Variants in IGDCC4 observed in about 807,000 individuals in gnomAD.
The protein encoded by IGDCC4 is immunoglobulin superfamily DCC subclass member 4.
In IGDCC4, 72 loss-of-function variants were observed where a neutral mutation model predicts 116.6. That is an observed-to-expected ratio of 0.62 (90% CI 0.51 to 0.75). The LOEUF (loss-of-function observed/expected upper bound fraction) is 0.75. IGDCC4 is among the 30% of genes least tolerant of loss of function. The pLI is 0.00. For missense variants in IGDCC4, 1,501 were observed against 1,662.4 expected, an observed-to-expected ratio of 0.90 and a Z score of 1.69; for synonymous variants, 709 against 719.9, an observed-to-expected ratio of 0.98 and a Z score of 0.24.
chr15:65,384,422 G>T lies in IGDCC4; in HGVS notation c.3343-3C>A. The T allele has an allele frequency of 6.7e-7, 1 of 1,503,306 alleles. No homozygotes were observed. Among genetic ancestry groups the T allele is most frequent in the South Asian group, 1.3e-5 (1 of 74,998 alleles). 93.1% of individuals were successfully genotyped at this position (1,503,306 alleles called of 1,614,324 possible). ...GGTGACTTCTTCCTCCCATTGCCCT[G>T]ATCAGAGCAGAGAACACAAAGACAA... On this transcript the variant is annotated splice_polypyrimidine_tract_variant and splice_region_variant and intron_variant, in intron 19 of 19. Transcript: ENST00000352385. This position sits in a 1 kb window ranked among gnomAD's most constrained non-coding sequence, Gnocchi z 4.9.
chr15:65,396,223 C>T (rs751736774), intron 6 of IGDCC4, 60 bp from the exon 7 acceptor site: 16 of 1,362,720 alleles, frequency 1.2e-5, no homozygotes, highest in South Asian at 3.0e-5. Flanking sequence ...TCTGCCCCCC[C>T]CCCAGTACCC....
intron 1 of IGDCC4, among the ~76,000 whole-genome samples, chr15:65,416,900 G>A (rs1424584862): frequency 6.6e-6 from 1 of 152,134 alleles, no homozygotes; most frequent in Admixed American, 6.5e-5. Flanking sequence ...AAGGAGATTC[G>A]CTGCTGAGCT....
At chr15:65,397,076 C>T in intron 5 of IGDCC4, 87 bp from the exon 6 acceptor site, 1 of 1,470,250 alleles carries the variant, frequency 6.8e-7, no homozygotes, top group South Asian at 1.3e-5. Context: ...ACTCTGCACC[C>T]GGATAAAGCA....
intron 1 of IGDCC4, among the ~76,000 whole-genome samples, chr15:65,417,211 G>A (rs1427713452): frequency 6.6e-6 from 1 of 151,848 alleles, no homozygotes; most frequent in African/African-American, 2.4e-5. Flanking sequence ...CTTCCTTCCT[G>A]CCCCCAACCT....
intron 9 of IGDCC4, among the ~76,000 whole-genome samples, chr15:65,394,143 A>G (rs2062895219): frequency 6.6e-6 from 1 of 152,046 alleles, no homozygotes; most frequent in South Asian, 2.1e-4. Flanking sequence ...AGATAAGGAA[A>G]CTGAGGCAGG....
At chr15:65,398,879 G>A (rs2062955939) in intron 5 of IGDCC4, among the ~76,000 whole-genome samples, 1 of 152,152 alleles carries the variant, frequency 6.6e-6, no homozygotes, top group Admixed American at 6.5e-5. Context: ...GACAGAGCGA[G>A]ACTCTGTCTC....
chr15:65,411,769 G>C (rs1410450182), intron 1 of IGDCC4, among the ~76,000 whole-genome samples: 1 of 152,234 alleles, frequency 6.6e-6, no homozygotes, highest in Non-Finnish European at 1.5e-5. Context: ...TCTACGAAAT[G>C]CCCAGAGGAG....
chr15:65,388,929 G>T lies in IGDCC4; in HGVS notation c.2586C>A (p.Ser862=). Reference sequence around the variant, plus strand: ...GGGGGCACCAGTGCAGCCGAACCGTGGACGGTGTCAGGGGGCTCAGTCGCA... The same window carrying T: ...GGGGGCACCAGTGCAGCCGAACCGTTGACGGTGTCAGGGGGCTCAGTCGCA... ...SDLRLSPLTP[S]TVRLHWCPPT... is the part of the protein sequence containing the mutation. The change falls in exon 15 of 20, where the codon TCC becomes TCA. Residue 862 remains serine (S), a synonymous_variant. Coordinates refer to ENST00000352385, the MANE Select transcript of IGDCC4 (RefSeq NM_020962.3). 6.2e-7 allele frequency: 1 copy of T among 1,613,284 alleles called. No homozygotes were observed. The highest frequency in any genetic ancestry group is 1.1e-5 in the South Asian group (1 of 91,008).
chr15:65,403,162 C>T (rs1352449147), intron 3 of IGDCC4, among the ~76,000 whole-genome samples: 5 of 152,224 alleles, frequency 3.3e-5, no homozygotes, highest in Non-Finnish European at 7.3e-5. Flanking sequence ...AAGTGTTCAT[C>T]TGCAGGGTGG....
rs748792377 is a variant in IGDCC4 at position 65,391,887 on chromosome 15, C to T, written c.2217G>A (p.Pro739=). Residue 739 remains proline, a synonymous_variant, in exon 12 of 20, where the codon CCG becomes CCA. Transcript: ENST00000352385. Reference sequence around the variant, plus strand: ...TTCCCCCACCGCCCTCACCTGGTGCCGGCGCCTTCTCCGTCTTGCCCTTCC... The same window carrying T: ...TTCCCCCACCGCCCTCACCTGGTGCTGGCGCCTTCTCCGTCTTGCCCTTCC... The part of the protein sequence containing the change: ...AVWKGKTEKA[P]APDMPIQRGP... The T allele has an allele frequency of 3.3e-5, 54 of 1,613,248 alleles. No individual in the cohort carries two copies. The highest frequency in any genetic ancestry group is 5.0e-5 in the Admixed American group (3 of 59,986).
At chr15:65,421,945 C>A (rs1387678140) in intron 1 of IGDCC4, among the ~76,000 whole-genome samples, 1 of 152,134 alleles carries the variant, frequency 6.6e-6, no homozygotes, top group Admixed American at 6.5e-5. Flanking sequence ...CTCTGACTTA[C>A]CCCGTACCCA....
chr15:65,387,627 A>G (rs1043469138), intron 16 of IGDCC4, among the ~76,000 whole-genome samples: 1 of 151,488 alleles, frequency 6.6e-6, no homozygotes, highest in Non-Finnish European at 1.5e-5. Context: ...TGCTGGGATT[A>G]CAGGCATAAG....
chr15:65,419,303 G>A (rs1420673551), intron 1 of IGDCC4, among the ~76,000 whole-genome samples: 1 of 150,084 alleles, frequency 6.7e-6, no homozygotes, highest in Non-Finnish European at 1.5e-5. Context: ...CTCAGCTCAA[G>A]CGATCCTCCT....
At position 65,396,134 on chromosome 15, in the gene IGDCC4, C is replaced by T; in HGVS notation, c.1027G>A (p.Ala343Thr). The T allele has an allele frequency of 6.8e-7, 1 of 1,468,300 alleles. No individual in the cohort carries two copies. The highest frequency in any genetic ancestry group is 1.3e-5 in the South Asian group (1 of 75,014). The allele number at this position is 1,468,300 out of a possible 1,614,324, so 91.0% of individuals were successfully genotyped here. ...AAPAITQAPE[A>T]LSRTRASTAR... is the part of the protein sequence containing the mutation. ...GTGCTCGCCCGCGTCCGCGACAGCG[C>T]CTCGGGCGCCTGAGTGATGGCGGGA... The change falls in exon 7 of 20, where the codon GCG (alanine) becomes ACG (threonine). Residue 343 changes from alanine (A) to threonine (T), a missense_variant. Physicochemically the swap from Ala to Thr is moderately conservative, Grantham distance 58. Around this residue, in one of 3 missense-constraint regions of IGDCC4, gnomAD observed 898 missense variants for 978.9 expected, o/e 0.92. Transcript: ENST00000352385.
rs2063088423 is a variant in IGDCC4, at chr15:65,411,145, A to G, written c.296T>C (p.Leu99Pro). Residue 99 changes from leucine to proline, a missense_variant, in exon 2 of 20, where the codon CTA becomes CCA. Physicochemically the swap from Leu to Pro is moderately conservative, Grantham distance 98. Around this residue, in one of 3 missense-constraint regions of IGDCC4, gnomAD observed 898 missense variants for 978.9 expected, o/e 0.92. Coordinates refer to ENST00000352385, the MANE Select transcript of IGDCC4 (RefSeq NM_020962.3). Reference sequence around the variant, plus strand: ...TGACTCGTCACTGCCATTGGGTGCTAGTGGCTGGGACAGCCACAGGGAACC... The same window carrying G: ...TGACTCGTCACTGCCATTGGGTGCTGGTGGCTGGGACAGCCACAGGGAACC... ...PNGSLWLSQP[L>P]APNGSDESVP... The G allele has an allele frequency of 6.2e-7, 1 of 1,613,272 alleles. No homozygotes were observed. Among genetic ancestry groups the G allele is most frequent in the African/African-American group, 1.3e-5 (1 of 74,934 alleles).
chr15:65,420,921 G>T (rs947224092), intron 1 of IGDCC4, among the ~76,000 whole-genome samples: 2 of 152,148 alleles, frequency 1.3e-5, no homozygotes, highest in African/African-American at 4.8e-5. Context: ...TGAAAGCTTT[G>T]CACCAGGGAT....
Position 65,386,632 on chromosome 15 carries a change from G to A in IGDCC4, c.2870C>T (p.Thr957Met), listed in dbSNP as rs747962369. ...CAGGCAGACACCCACGATGATGCCCGTGACTGAGTGCATGTCCAGCGAGTC... is the reference window on the plus strand; with the variant it reads ...CAGGCAGACACCCACGATGATGCCCATGACTGAGTGCATGTCCAGCGAGTC... ...LSDSLDMHSV[T>M]GIIVGVCLGL... Residue 957 changes from threonine to methionine, a missense_variant, in exon 17 of 20, where the codon ACG (threonine) becomes ATG (methionine). Thr to Met is a moderately conservative substitution (Grantham distance 81, BLOSUM62 -1). Transcript: ENST00000352385. 1.1e-5 allele frequency: 18 copies of A among 1,612,182 alleles called. No homozygotes were observed. Among genetic ancestry groups the A allele is most frequent in the South Asian group, 5.5e-5 (5 of 90,388 alleles).
chr15:65,407,338 T>TTTATTA (rs142431798), intron 3 of IGDCC4, among the ~76,000 whole-genome samples: 2 of 151,584 alleles, frequency 1.3e-5, no homozygotes, highest in Admixed American at 1.3e-4. Flanking sequence ...TACAATATAA[T>TTTATTA]TTATTATTAT....
chr15:65,402,520 G>A lies in IGDCC4; in HGVS notation c.564-33C>T, dbSNP rs375400190. ...AGAGGGGAGCAGGCAACTGTGAGGT[G>A]GGCAGGGGGGCCACAGGGAGGGTGG... On this transcript the variant is annotated intron_variant, in intron 3 of 19. Coordinates refer to ENST00000352385, the MANE Select transcript of IGDCC4 (RefSeq NM_020962.3). The A allele has an allele frequency of 1.5e-5, 24 of 1,555,722 alleles. No homozygotes were observed. The South Asian group carries it at 2.0e-4, about 13-fold the overall frequency.
Sources: allele counts gnomAD v4.1 joint callset (sites outside exome capture counted in the v4.1 genomes callset), GRCh38; gene constraint gnomAD v4.1.1; regional missense constraint gnomAD v4.1.1; non-coding constraint Gnocchi (gnomAD v3.1); transcripts MANE v1.5; gene names NCBI Gene and HGNC (gene_info 2026-07-23, HGNC 2026-07-21).